The following ORC5 variants were observed in gnomAD, a reference collection of about 807,000 sequenced individuals.
ORC5 encodes the protein protein phosphatase 1, regulatory subunit 117.
A neutral mutation model predicts 58.8 loss-of-function variants in ORC5; 39 were observed. The ratio of observed to expected loss-of-function variants is 0.66; its 90% CI spans 0.51 to 0.87. ORC5 has a LOEUF of 0.87. ORC5 is among the 40% of genes least tolerant of loss of function. ORC5 has a pLI of 0.00. For missense variants in ORC5, 493 were observed against 506.3 expected (o/e 0.97, Z 0.25); for synonymous variants, 218 against 177.6 (o/e 1.23, Z -1.81).
chr7:104,154,647 T>C (rs1225469102), intron 12 of ORC5, among the ~76,000 whole-genome samples: 1 of 151,916 alleles, frequency 6.6e-6, no homozygotes, highest in Non-Finnish European at 1.5e-5. Flanking sequence ...TAAATATTTG[T>C]TAAATGAAAT....
intron 12 of ORC5, among the ~76,000 whole-genome samples, chr7:104,140,071 A>C (rs577944875): frequency 2.0e-5 from 3 of 152,118 alleles, no homozygotes; most frequent in East Asian, 3.9e-4. Flanking sequence ...TTTTTTTCTA[A>C]TCTTAATATA....
chr7:104,195,500 T>G (rs1799780641), intron 4 of ORC5, among the ~76,000 whole-genome samples: 1 of 152,146 alleles, frequency 6.6e-6, no homozygotes, highest in Non-Finnish European at 1.5e-5. Context: ...CTCCTAGGCA[T>G]AAGTGATCCT....
intron 6 of ORC5, chr7:104,188,026 T>A: frequency 9.0e-7 from 1 of 1,107,980 alleles, no homozygotes; most frequent in Non-Finnish European, 1.1e-6. Context: ...ATTTTTCTGA[T>A]CAGATCAAAC....
chr7:104,194,094 A>G (rs1799739820), intron 5 of ORC5, among the ~76,000 whole-genome samples: 1 of 135,132 alleles, frequency 7.4e-6, no homozygotes, highest in Non-Finnish European at 1.6e-5. Context: ...ACACAGGTAC[A>G]GAGCCTTTTT....
intron 2 of ORC5, 65 bp downstream of exon 2, chr7:104,204,077 C>T: frequency 2.5e-6 from 2 of 795,306 alleles, no homozygotes; most frequent in Non-Finnish European, 4.0e-6. Flanking sequence ...TGGAGATTCA[C>T]AATTATCAGT....
At chr7:104,135,724 T>C (rs1798577735) in intron 13 of ORC5, among the ~76,000 whole-genome samples, 1 of 152,218 alleles carries the variant, frequency 6.6e-6, no homozygotes, top group Non-Finnish European at 1.5e-5. Flanking sequence ...AGAGGAGATT[T>C]GCAAATCTAT....
At chr7:104,127,235 G>C (rs2115712573) in intron 13 of ORC5, among the ~76,000 whole-genome samples, 1 of 152,174 alleles carries the variant, frequency 6.6e-6, no homozygotes, top group South Asian at 2.1e-4. Flanking sequence ...AAAGTAATTA[G>C]AGATTCAAAA....
At chr7:104,144,530 C>A (rs1474095344) in intron 12 of ORC5, among the ~76,000 whole-genome samples, 1 of 152,098 alleles carries the variant, frequency 6.6e-6, no homozygotes, top group Non-Finnish European at 1.5e-5. Flanking sequence ...CCGAGGCAGG[C>A]AGATTACCTG....
chr7:104,140,920 T>C (rs954949102), intron 12 of ORC5, among the ~76,000 whole-genome samples: 5 of 152,216 alleles, frequency 3.3e-5, no homozygotes, highest in African/African-American at 4.8e-5. Flanking sequence ...ACCTCTGCAT[T>C]AGAAGATTGC....
At chr7:104,149,520 T>TA (rs11421325) in intron 12 of ORC5, among the ~76,000 whole-genome samples, 8,618 of 152,242 alleles carry the variant, frequency 0.057, 800 homozygotes, top group African/African-American at 0.2. Context: ...GATTTCATGT[T>TA]AGAAAATACA....
At chr7:104,151,084 G>A (rs1798838988) in intron 12 of ORC5, among the ~76,000 whole-genome samples, 1 of 152,140 alleles carries the variant, frequency 6.6e-6, no homozygotes, top group Non-Finnish European at 1.5e-5. Context: ...AGAGGAAACA[G>A]CTTATTGTGA....
chr7:104,203,260 G>A (rs1262242168), intron 2 of ORC5, among the ~76,000 whole-genome samples: 3 of 152,210 alleles, frequency 2.0e-5, no homozygotes, highest in African/African-American at 4.8e-5. Context: ...AAGCCTGTGG[G>A]CTAGCCACCT....
intron 8 of ORC5, among the ~76,000 whole-genome samples, chr7:104,170,723 T>C (rs925075942): frequency 2.6e-5 from 4 of 152,244 alleles, no homozygotes; most frequent in African/African-American, 4.8e-5. Flanking sequence ...TCTGGATTAA[T>C]TGGGAAAATG....
At chr7:104,147,282 C>G (rs909593513) in intron 12 of ORC5, among the ~76,000 whole-genome samples, 17 of 152,056 alleles carry the variant, frequency 1.1e-4, no homozygotes, top group Non-Finnish European at 4.4e-5. Flanking sequence ...AAATTTGCCA[C>G]AAACCTGTGA....
chr7:104,198,076 G>A (rs1799845088), intron 3 of ORC5, among the ~76,000 whole-genome samples: 1 of 152,196 alleles, frequency 6.6e-6, no homozygotes, highest in South Asian at 2.1e-4. Flanking sequence ...ATCCTCTCTT[G>A]TACTTCTACT....
At chr7:104,175,868 T>TG (rs1482035865) in intron 8 of ORC5, among the ~76,000 whole-genome samples, 1 of 152,186 alleles carries the variant, frequency 6.6e-6, no homozygotes, top group Non-Finnish European at 1.5e-5. Context: ...CTAGGATACT[T>TG]GGAGATTTTT....
chr7:104,178,378 G>C (rs947544550), intron 8 of ORC5, among the ~76,000 whole-genome samples: 1 of 152,108 alleles, frequency 6.6e-6, no homozygotes, highest in African/African-American at 2.4e-5. Context: ...AGAAGTGTCT[G>C]TTCATATCCT....
Position 104,200,765 on chromosome 7 carries a change from A to C in ORC5, c.359T>G (p.Val120Gly), listed in dbSNP as rs1301747528. The change falls in exon 3 of 14, where the codon GTA becomes GGA. Residue 120 changes from valine to glycine, a missense_variant. Physicochemically the swap from Val to Gly is moderately radical, Grantham distance 109 (BLOSUM62 -3). Transcript: ENST00000297431. Reference protein sequence around the residue: ...TTAENLKDQTVYIVLDKAEYL... With the variant: ...TTAENLKDQTGYIVLDKAEYL... Reference sequence around the variant, plus strand: ...TCAAATGAAATTACTTACAATATATACAGTCTGATCTTTAAGATTTTCAGC... The same window carrying C: ...TCAAATGAAATTACTTACAATATATCCAGTCTGATCTTTAAGATTTTCAGC... The C allele has an allele frequency of 1.3e-6, 2 of 1,572,202 alleles. No homozygotes were observed. The highest frequency in any genetic ancestry group is 2.7e-5 in the African/African-American group (2 of 74,110).
At chr7:104,204,075 C>T (rs1800012959) in intron 2 of ORC5, 67 bp downstream of exon 2, 1 of 777,366 alleles carries the variant, frequency 1.3e-6, no homozygotes, top group Admixed American at 2.9e-5. Flanking sequence ...TGTGGAGATT[C>T]ACAATTATCA....
Sources: gnomAD v4.1 joint callset for allele counts (sites outside exome capture counted in the v4.1 genomes callset) on GRCh38, gnomAD v4.1.1 for gene constraint, MANE v1.5 for transcripts, NCBI Gene and HGNC (gene_info 2026-07-23, HGNC 2026-07-21) for gene names.